The following EBF1 variants were observed in gnomAD, a reference collection of about 807,000 sequenced individuals.
The protein encoded by EBF1 is transcription factor COE1.
EBF1 carries 10 observed loss-of-function variants against 68.4 expected under a neutral mutation model. The observed-to-expected ratio is 0.15, with a 90% CI of 0.09 to 0.25. EBF1 has a LOEUF of 0.25. Among genes scored for constraint, EBF1 ranks in the 10% least tolerant of loss-of-function variants. EBF1 has a pLI of 1.00. For synonymous variants in EBF1, 298 were observed against 299.8 expected, an observed-to-expected ratio of 0.99 and a Z score of 0.06; for missense variants, 509 against 794.4, an observed-to-expected ratio of 0.64 and a Z score of 4.32.
chr5:158,730,203 C>G (rs545378823), intron 11 of EBF1, among the ~76,000 whole-genome samples: 1 of 152,222 alleles, frequency 6.6e-6, no homozygotes, highest in Admixed American at 6.5e-5. Context: ...ACAGTGAATG[C>G]AAGCTCAACG....
chr5:158,701,756 A>C (rs1205262882), intron 15 of EBF1, among the ~76,000 whole-genome samples: 1 of 152,262 alleles, frequency 6.6e-6, no homozygotes, highest in African/African-American at 2.4e-5. Context: ...AGCCAAGTTT[A>C]TACATGATAG....
chr5:158,821,656 C>T (rs1312241389), intron 8 of EBF1, among the ~76,000 whole-genome samples: 1 of 152,190 alleles, frequency 6.6e-6, no homozygotes, highest in Non-Finnish European at 1.5e-5. Flanking sequence ...TTCACCTAAA[C>T]ACCTCTAGTC....
At chr5:158,842,485 C>CCT (rs1297003726) in intron 6 of EBF1, among the ~76,000 whole-genome samples, 4 of 152,144 alleles carry the variant, frequency 2.6e-5, no homozygotes, top group African/African-American at 9.7e-5. Flanking sequence ...TGGTGAAAGG[C>CCT]CACAGCCATT....
chr5:159,011,078 G>C (rs1012255630), intron 6 of EBF1, among the ~76,000 whole-genome samples: 2 of 152,218 alleles, frequency 1.3e-5, no homozygotes, highest in African/African-American at 2.4e-5. Flanking sequence ...AGTGTGATTT[G>C]AATTGCATCA....
intron 10 of EBF1, among the ~76,000 whole-genome samples, chr5:158,776,455 C>T (rs1050262918): frequency 2.0e-5 from 3 of 152,084 alleles, no homozygotes; most frequent in Admixed American, 6.6e-5. Flanking sequence ...GTTATAATTA[C>T]AATTTGTTAA....
chr5:158,864,486 T>C (rs1183637060), intron 6 of EBF1, among the ~76,000 whole-genome samples: 2 of 152,140 alleles, frequency 1.3e-5, no homozygotes, highest in African/African-American at 4.8e-5. Context: ...CATTCCGCAG[T>C]GTCCCTGACA....
At chr5:158,911,226 C>G (rs1382539900) in intron 6 of EBF1, among the ~76,000 whole-genome samples, 1 of 152,216 alleles carries the variant, frequency 6.6e-6, no homozygotes, top group Non-Finnish European at 1.5e-5. Flanking sequence ...ATGTAACACC[C>G]ATTTTGTACA....
intron 6 of EBF1, among the ~76,000 whole-genome samples, chr5:159,069,327 A>G (rs990189977): frequency 4.4e-4 from 67 of 151,568 alleles, no homozygotes; most frequent in African/African-American, 1.6e-3. Flanking sequence ...TCTAAATTCA[A>G]ACAAACAAAC....
chr5:158,816,886 G>C (rs1391746007), intron 8 of EBF1, among the ~76,000 whole-genome samples: 1 of 152,160 alleles, frequency 6.6e-6, no homozygotes, highest in Non-Finnish European at 1.5e-5. Context: ...TAGGGGGACA[G>C]CTCCAAAGCA....
intron 6 of EBF1, among the ~76,000 whole-genome samples, chr5:158,899,723 T>C (rs1306003143): frequency 1.3e-5 from 2 of 152,140 alleles, no homozygotes; most frequent in African/African-American, 4.8e-5. Flanking sequence ...CCAAGCCTCT[T>C]CATCCATTCT....
chr5:158,991,207 AC>A (rs1472600395), intron 6 of EBF1, among the ~76,000 whole-genome samples: 1 of 152,236 alleles, frequency 6.6e-6, no homozygotes, highest in Non-Finnish European at 1.5e-5. Flanking sequence ...TCCACAGAGC[AC>A]AATGCCTGGC....
intron 6 of EBF1, among the ~76,000 whole-genome samples, chr5:158,933,136 G>T (rs1306597112): frequency 2.0e-5 from 3 of 151,362 alleles, no homozygotes; most frequent in East Asian, 1.9e-4. Flanking sequence ...TACATACGGG[G>T]TATCACTTAA....
At chr5:158,916,690 T>C (rs938945409) in intron 6 of EBF1, among the ~76,000 whole-genome samples, 2 of 152,234 alleles carry the variant, frequency 1.3e-5, no homozygotes, top group Non-Finnish European at 2.9e-5. Flanking sequence ...ATATGTACTC[T>C]GGGCTGACTT....
At chr5:158,921,012 G>A (rs1359114270) in intron 6 of EBF1, among the ~76,000 whole-genome samples, 2 of 152,216 alleles carry the variant, frequency 1.3e-5, no homozygotes, top group Non-Finnish European at 2.9e-5. Context: ...CCACATTTGG[G>A]GGTGGAAATA....
rs549138142 is a variant in EBF1, at chr5:158,988,994, G to T, written c.554+84402C>A. On this transcript the variant is annotated intron_variant, in intron 6 of 15. Coordinates refer to ENST00000313708, the MANE Select transcript of EBF1 (RefSeq NM_024007.5). ...TTGGCAGCCACTGGTCTTGCCCACC[G>T]CAGGCTTAGGCCCTCTTCTCTGCCC... is the stretch of plus-strand genomic sequence containing the variant. Among the ~76,000 whole-genome samples the T allele has an allele frequency of 3.3e-5, 5 of 152,224 alleles. No individual in the cohort carries two copies. The South Asian group carries it at 8.3e-4, about 25-fold the overall frequency.
At chr5:158,793,348 A>T (rs958817853) in intron 9 of EBF1, among the ~76,000 whole-genome samples, 1 of 152,166 alleles carries the variant, frequency 6.6e-6, no homozygotes, top group African/African-American at 2.4e-5. Flanking sequence ...ATGGCCTCAA[A>T]CTTGGTTAAT....
chr5:159,055,085 T>G (rs1774500975), intron 6 of EBF1, among the ~76,000 whole-genome samples: 1 of 152,218 alleles, frequency 6.6e-6, no homozygotes, highest in Admixed American at 6.5e-5. Flanking sequence ...ATCTTCTTAT[T>G]ACCTGGCTGA....
In EBF1 at chr5:158,698,840, G is replaced by A. The variant is rs1060396; in HGVS notation, c.*271C>T. 12 of 328,378 alleles carry A rather than the reference G, an allele frequency of 3.7e-5. No individual in the cohort carries two copies. Among genetic ancestry groups the A allele is most frequent in the African/African-American group, 8.6e-5 (4 of 46,620 alleles). 20.3% of individuals were successfully genotyped at this position (328,378 alleles called of 1,614,324 possible). On this transcript the variant is annotated 3_prime_UTR_variant, in exon 16 of 16. Transcript: ENST00000313708. ...TAAGCTTAAAAAAAAAAAAGAAAAAGAAAAAGTGGATTTGCTTTTGTCAAT... is the reference window on the plus strand; with the variant it reads ...TAAGCTTAAAAAAAAAAAAGAAAAAAAAAAAGTGGATTTGCTTTTGTCAAT...
chr5:159,074,430 C>T (rs950285729), intron 5 of EBF1, among the ~76,000 whole-genome samples: 21 of 152,200 alleles, frequency 1.4e-4, no homozygotes, highest in African/African-American at 4.8e-4. Flanking sequence ...GGAGGGAGGT[C>T]CTCCAAAACT....
Sources: gnomAD v4.1 joint callset for allele counts (sites outside exome capture counted in the v4.1 genomes callset) on GRCh38, gnomAD v4.1.1 for gene constraint, MANE v1.5 for transcripts, NCBI Gene and HGNC (gene_info 2026-07-23, HGNC 2026-07-21) for gene names.